Variants in CYRIA observed in about 807,000 individuals in gnomAD.
The protein encoded by CYRIA is CYFIP-related Rac1 interactor A.
In CYRIA, 15 loss-of-function variants were observed where a neutral mutation model predicts 43.9. The observed-to-expected ratio is 0.34, with a 90% confidence interval of 0.23 to 0.53. CYRIA has a LOEUF of 0.53. Among genes scored for constraint, CYRIA ranks in the 20% least tolerant of loss-of-function variants. The pLI is 0.94. For synonymous variants in CYRIA, 117 were observed against 136.0 expected, an observed-to-expected ratio of 0.86 and a Z score of 0.97; for missense variants, 236 against 394.2, an observed-to-expected ratio of 0.60 and a Z score of 3.40.
In CYRIA at chr2:16,578,269, A is replaced by G. The variant is rs1049358277; in HGVS notation, c.70+9781T>C. ...CCCACTAGTGGACTGACAGAAGAAA[A>G]GGCATGTGATTTTCTGAGTGCACGT... On this transcript the variant is annotated intron_variant, in intron 3 of 11. Coordinates refer to ENST00000381323, the MANE Select transcript of CYRIA (RefSeq NM_030797.4). Among the ~76,000 whole-genome samples the G allele has an allele frequency of 3.7e-4, 57 of 152,162 alleles. 1 individual carries two copies. The highest frequency in any genetic ancestry group is 4.8e-5 in the African/African-American group (2 of 41,436).
chr2:16,630,459 T>C (rs1669294088), intron 1 of CYRIA, among the ~76,000 whole-genome samples: 1 of 152,046 alleles, frequency 6.6e-6, no homozygotes, highest in South Asian at 2.1e-4. Context: ...ATTAGTCCCA[T>C]TTCCCAAGGC....
intron 1 of CYRIA, among the ~76,000 whole-genome samples, chr2:16,659,363 G>C (rs73215519): frequency 0.015 from 2,300 of 152,252 alleles, 50 homozygotes; most frequent in African/African-American, 0.052. Context: ...AACACCTCTG[G>C]ACTTCCATTC....
At chr2:16,600,028 T>C (rs1668148272) in intron 2 of CYRIA, among the ~76,000 whole-genome samples, 1 of 152,218 alleles carries the variant, frequency 6.6e-6, no homozygotes, top group Admixed American at 6.5e-5. Context: ...AGTGCTGGGA[T>C]TACAGGCGTG....
At chr2:16,611,215 A>T (rs948720919) in intron 2 of CYRIA, among the ~76,000 whole-genome samples, 64 of 151,564 alleles carry the variant, frequency 4.2e-4, no homozygotes, top group Admixed American at 1.2e-3. Flanking sequence ...AAAAAAAAAA[A>T]ATAGCTGGGT....
At chr2:16,555,216 G>C in intron 10 of CYRIA, 77 bp from the exon 11 acceptor site, 2 of 1,295,806 alleles carry the variant, frequency 1.5e-6, no homozygotes, top group Admixed American at 3.7e-5. Flanking sequence ...AATAACATGT[G>C]CCCATAATGT....
chr2:16,664,257 C>G (rs1455818757), intron 1 of CYRIA, among the ~76,000 whole-genome samples: 2 of 152,146 alleles, frequency 1.3e-5, no homozygotes, highest in Non-Finnish European at 2.9e-5. Context: ...TCCCACTCTC[C>G]CCTCACAGGA....
chr2:16,610,973 A>G (rs2103490666), intron 2 of CYRIA, among the ~76,000 whole-genome samples: 1 of 140,968 alleles, frequency 7.1e-6, no homozygotes, highest in East Asian at 2.6e-4. Flanking sequence ...TCAAAAATGT[A>G]ATATTTACAC....
chr2:16,597,277 G>A (rs1668060979), intron 2 of CYRIA, among the ~76,000 whole-genome samples: 1 of 39,438 alleles, frequency 2.5e-5, no homozygotes, highest in Non-Finnish European at 4.2e-5. Context: ...TTCAATTCCT[G>A]GGTATCCTTG....
At chr2:16,644,798 A>C (rs1173739994) in intron 1 of CYRIA, among the ~76,000 whole-genome samples, 3 of 152,162 alleles carry the variant, frequency 2.0e-5, no homozygotes, top group African/African-American at 7.2e-5. Context: ...CAAGGGGGTC[A>C]ATTATTGCTA....
chr2:16,558,876 T>C (rs903961834), intron 10 of CYRIA, among the ~76,000 whole-genome samples: 14 of 152,076 alleles, frequency 9.2e-5, no homozygotes, highest in African/African-American at 3.1e-4. Flanking sequence ...GCTTGTCCTA[T>C]GCAGAAAATG....
At chr2:16,654,208 T>G (rs1436932196) in intron 1 of CYRIA, among the ~76,000 whole-genome samples, 2 of 152,172 alleles carry the variant, frequency 1.3e-5, no homozygotes, top group African/African-American at 4.8e-5. Context: ...AGCCAAAATG[T>G]TTGCATCTCT....
chr2:16,572,527 C>G (rs1026631303), intron 3 of CYRIA, among the ~76,000 whole-genome samples: 7 of 152,120 alleles, frequency 4.6e-5, no homozygotes, highest in African/African-American at 1.7e-4. Context: ...CAGAGAAGAA[C>G]AGATGAAAGA....
intron 2 of CYRIA, among the ~76,000 whole-genome samples, chr2:16,616,075 G>A (rs1668777117): frequency 2.6e-5 from 4 of 152,318 alleles, no homozygotes; most frequent in East Asian, 1.9e-4. Flanking sequence ...TCTTTGTCAG[G>A]TCCCTCAAGG....
At chr2:16,639,703 G>C (rs1351787754) in intron 1 of CYRIA, among the ~76,000 whole-genome samples, 1 of 152,232 alleles carries the variant, frequency 6.6e-6, no homozygotes, top group African/African-American at 2.4e-5. Flanking sequence ...CCACTGGGGG[G>C]AAGAGCGTGT....
At chr2:16,641,812 G>A (rs1669685479) in intron 1 of CYRIA, among the ~76,000 whole-genome samples, 1 of 152,216 alleles carries the variant, frequency 6.6e-6, no homozygotes, top group Admixed American at 6.5e-5. Flanking sequence ...TGGGCTGGGG[G>A]TGAGAGCAGA....
At position 16,625,974 on chromosome 2, in the gene CYRIA, C is replaced by T. The variant is rs1669150455; in HGVS notation, c.-166-1955G>A. Among the ~76,000 whole-genome samples, 2 of 152,118 alleles carry T rather than the reference C, an allele frequency of 1.3e-5. 1 individual carries two copies. The highest frequency in any genetic ancestry group is 4.1e-4 in the South Asian group (2 of 4,828). On this transcript the variant is annotated intron_variant, in intron 1 of 11. Transcript: ENST00000381323. ...CAAGAGGGTCAGTCAGGCGGAACAC[C>T]GGGTTTCCTCCTGATCATCATTCTA...
intron 1 of CYRIA, among the ~76,000 whole-genome samples, chr2:16,654,634 G>A (rs897158399): frequency 4.6e-5 from 7 of 151,990 alleles, no homozygotes; most frequent in Non-Finnish European, 1.0e-4. Flanking sequence ...ATGTCTTAAA[G>A]CAAATTTTAA....
chr2:16,573,744 G>A lies in CYRIA; in HGVS notation c.71-7977C>T, dbSNP rs141282104. ...TCTCTCTTTGTCTGCTGCCATCCAC[G>A]TAAGAAGTGACTTGCTCCTCTTTGC... On this transcript the variant is annotated intron_variant, in intron 3 of 11. Transcript: ENST00000381323. Among the ~76,000 whole-genome samples, 10 of 152,274 alleles carry A rather than the reference G, an allele frequency of 6.6e-5. No individual in the cohort carries two copies. In the East Asian group the frequency reaches 1.5e-3, roughly 24 times the overall value.
At chr2:16,633,438 G>T (rs919143868) in intron 1 of CYRIA, among the ~76,000 whole-genome samples, 2 of 151,760 alleles carry the variant, frequency 1.3e-5, no homozygotes, top group Non-Finnish European at 2.9e-5. Flanking sequence ...TTTTGAGACA[G>T]GGTCTCGTTC....
Sources: allele counts gnomAD v4.1 joint callset (sites outside exome capture counted in the v4.1 genomes callset), GRCh38; gene constraint gnomAD v4.1.1; transcripts MANE v1.5; gene names NCBI Gene and HGNC (gene_info 2026-07-23, HGNC 2026-07-21).